Variants in CACNA1E observed in about 807,000 individuals in gnomAD.
The protein encoded by CACNA1E is voltage-dependent R-type calcium channel subunit alpha-1E.
CACNA1E carries 40 observed loss-of-function variants against 259.2 expected under a neutral mutation model. The ratio of observed to expected loss-of-function variants is 0.15; its 90% CI spans 0.12 to 0.20. The LOEUF (loss-of-function observed/expected upper bound fraction) is 0.20, where lower values mean the gene tolerates loss of function less well. Among genes scored for constraint, CACNA1E ranks in the 10% least tolerant of loss-of-function variants. CACNA1E has a pLI of 1.00. For missense variants in CACNA1E, 1,874 were observed against 3,040.1 expected (o/e 0.62, Z 9.02); for synonymous variants, 1,104 against 1,138.5 (o/e 0.97, Z 0.61).
intron 6 of CACNA1E, among the ~76,000 whole-genome samples, chr1:181,608,487 A>G (rs943403321): frequency 6.6e-6 from 1 of 152,186 alleles, no homozygotes; most frequent in South Asian, 2.1e-4. Flanking sequence ...GAGGAGATCC[A>G]TTATGAAAAG....
At chr1:181,522,357 CA>C (rs1410687381) in intron 3 of CACNA1E, among the ~76,000 whole-genome samples, 2 of 152,192 alleles carry the variant, frequency 1.3e-5, no homozygotes, top group Non-Finnish European at 2.9e-5. Flanking sequence ...CCTACTGATT[CA>C]AATAATGGGT....
At chr1:181,743,172 G>A (rs1239481500) in intron 25 of CACNA1E, among the ~76,000 whole-genome samples, 2 of 152,162 alleles carry the variant, frequency 1.3e-5, no homozygotes, top group Admixed American at 6.5e-5. Context: ...GACAACACCC[G>A]CTTTCTGGGC....
chr1:181,673,635 C>T (rs1295619861), intron 7 of CACNA1E, among the ~76,000 whole-genome samples: 4 of 152,124 alleles, frequency 2.6e-5, no homozygotes, highest in Non-Finnish European at 5.9e-5. Context: ...GTCCACTGCC[C>T]AGAAAGAGGA....
chr1:181,535,276 A>G (rs1325170196), intron 3 of CACNA1E, among the ~76,000 whole-genome samples: 1 of 152,154 alleles, frequency 6.6e-6, no homozygotes, highest in East Asian at 1.9e-4. Flanking sequence ...AGGCTTAAAC[A>G]TTTATAAAAT....
At chr1:181,600,206 G>A (rs529849918) in intron 6 of CACNA1E, among the ~76,000 whole-genome samples, 18 of 152,308 alleles carry the variant, frequency 1.2e-4, no homozygotes, top group African/African-American at 4.1e-4. Context: ...TGGTTGCTTG[G>A]CAGGTTCAGG....
chr1:181,521,026 G>A (rs1406592945), intron 3 of CACNA1E, among the ~76,000 whole-genome samples: 1 of 152,218 alleles, frequency 6.6e-6, no homozygotes, highest in Non-Finnish European at 1.5e-5. Flanking sequence ...GAAGCCTGAG[G>A]TCTGACTTCT....
chr1:181,703,218 G>A (rs1652450927), intron 7 of CACNA1E, among the ~76,000 whole-genome samples: 1 of 152,196 alleles, frequency 6.6e-6, no homozygotes, highest in Non-Finnish European at 1.5e-5. Context: ...TAGGTTATCT[G>A]TATTATGATA....
At chr1:181,363,169 C>A (rs1413861367) in intron 1 of CACNA1E, among the ~76,000 whole-genome samples, 1 of 152,144 alleles carries the variant, frequency 6.6e-6, no homozygotes, top group Non-Finnish European at 1.5e-5. Flanking sequence ...TATAAAGAAG[C>A]CTAAAATCTC....
intron 5 of CACNA1E, among the ~76,000 whole-genome samples, chr1:181,579,685 A>G (rs1461422581): frequency 6.6e-6 from 1 of 152,196 alleles, no homozygotes; most frequent in Non-Finnish European, 1.5e-5. Context: ...GAATATCTGA[A>G]TCAATACCCC....
At chr1:181,471,337 G>T (rs1558029513) in intron 2 of CACNA1E, among the ~76,000 whole-genome samples, 1 of 152,198 alleles carries the variant, frequency 6.6e-6, no homozygotes, top group East Asian at 1.9e-4. Context: ...GCAGGCCCAG[G>T]CTCCAAGTGT....
chr1:181,785,322 T>G lies in CACNA1E; in HGVS notation c.5583T>G (p.Ser1861=). ...LDLLVPMPKA[S]DLTVGKIYAA... ...ATGCCACATTTGTGTTTCTAGCCTC[T>G]GACCTGACTGTGGGCAAAATCTATG... Residue 1861 remains serine, a synonymous_variant, in exon 42 of 48, where the codon TCT becomes TCG. Transcript: ENST00000367573. 1 of 1,606,150 alleles carries G rather than the reference T, an allele frequency of 6.2e-7. No individual in the cohort carries two copies. The highest frequency in any genetic ancestry group is 8.5e-7 in the Non-Finnish European group (1 of 1,172,992).
chr1:181,793,538 C>A (rs1378051757), intron 44 of CACNA1E, 127 bp from the exon 45 acceptor site: 3 of 978,802 alleles, frequency 3.1e-6, no homozygotes, highest in Non-Finnish European at 4.5e-6. Flanking sequence ...ATACATACAA[C>A]TGAGACCTTA....
chr1:181,466,729 T>C (rs1296761472), intron 2 of CACNA1E, among the ~76,000 whole-genome samples: 2 of 152,212 alleles, frequency 1.3e-5, no homozygotes, highest in Non-Finnish European at 2.9e-5. Context: ...TTTATATCTT[T>C]CAAGTTCAGC....
At chr1:181,487,619 T>G (rs1225469125) in intron 1 of CACNA1E, among the ~76,000 whole-genome samples, 1 of 152,252 alleles carries the variant, frequency 6.6e-6, no homozygotes, top group African/African-American at 2.4e-5. Context: ...TTTTCTTTTT[T>G]GCTCATCTAA....
At chr1:181,547,711 T>C (rs1466408079) in intron 3 of CACNA1E, among the ~76,000 whole-genome samples, 3 of 152,258 alleles carry the variant, frequency 2.0e-5, no homozygotes, top group Non-Finnish European at 2.9e-5. Flanking sequence ...TAAATAACAA[T>C]GTTTGTGGAG....
intron 3 of CACNA1E, among the ~76,000 whole-genome samples, chr1:181,524,990 G>T (rs1667248279): frequency 6.6e-6 from 1 of 152,304 alleles, no homozygotes; most frequent in African/African-American, 2.4e-5. Context: ...ATTGAGTCAA[G>T]AAATATTTGC....
intron 25 of CACNA1E, chr1:181,745,372 T>G (rs1656979990): frequency 2.0e-6 from 1 of 496,808 alleles, no homozygotes; most frequent in Non-Finnish European, 4.0e-6. Context: ...TGGGAGATGG[T>G]TGGTTGTAAA....
intron 1 of CACNA1E, among the ~76,000 whole-genome samples, chr1:181,368,286 A>G (rs1654431340): frequency 7.4e-6 from 1 of 134,346 alleles, no homozygotes; most frequent in African/African-American, 2.8e-5. Context: ...GACTCTGTCT[A>G]AAAAAAAAAA....
At chr1:181,665,915 C>A (rs930567467) in intron 7 of CACNA1E, among the ~76,000 whole-genome samples, 2 of 152,076 alleles carry the variant, frequency 1.3e-5, no homozygotes, top group African/African-American at 4.8e-5. Context: ...CATTCTTTAA[C>A]TTCTTTTCCT....
Sources: allele counts gnomAD v4.1 joint callset (sites outside exome capture counted in the v4.1 genomes callset), GRCh38; gene constraint gnomAD v4.1.1; transcripts MANE v1.5; gene names NCBI Gene and HGNC (gene_info 2026-07-23, HGNC 2026-07-21).